ESPNL: variants seen among roughly 807,000 people sequenced by gnomAD.
ESPNL encodes the protein espin-like protein.
ESPNL carries 49 observed loss-of-function variants against 46.8 expected under a neutral mutation model. The observed-to-expected ratio is 1.05, with a 90% CI of 0.83 to 1.33. The LOEUF (loss-of-function observed/expected upper bound fraction) is 1.33, where lower values mean the gene tolerates loss of function less well. Ranked by LOEUF, ESPNL falls within the 40% of genes most tolerant of loss-of-function variation. The pLI is 0.00. For missense variants in ESPNL, 1,540 were observed against 1,436.6 expected, an observed-to-expected ratio of 1.07 and a Z score of -1.16; for synonymous variants, 664 against 662.1, an observed-to-expected ratio of 1.00 and a Z score of -0.04.
At chr2:238,127,123 CTG>C (rs1559267267) in intron 6 of ESPNL, among the ~76,000 whole-genome samples, 1 of 145,926 alleles carries the variant, frequency 6.9e-6, no homozygotes, top group Non-Finnish European at 1.5e-5. Flanking sequence ...GTGATTGTGT[CTG>C]TGTCTGTGTG....
In ESPNL at chr2:238,100,396, G is replaced by T; in HGVS notation, c.-24G>T. On this transcript the variant is annotated 5_prime_UTR_variant, in exon 1 of 9. Coordinates refer to ENST00000343063, the MANE Select transcript of ESPNL (RefSeq NM_194312.4). Reference sequence around the variant, plus strand: ...GGAAGCCCCAGCCTGTGCATGAGTCGCCACTGAGAGCCCGGGCCAGAGGAT... The same window carrying T: ...GGAAGCCCCAGCCTGTGCATGAGTCTCCACTGAGAGCCCGGGCCAGAGGAT... The T allele has an allele frequency of 1.3e-6, 2 of 1,576,494 alleles. No homozygotes were observed. The highest frequency in any genetic ancestry group is 2.3e-5 in the East Asian group (1 of 42,674).
At chr2:238,109,220 T>A (rs1274820432) in intron 4 of ESPNL, among the ~76,000 whole-genome samples, 2 of 150,650 alleles carry the variant, frequency 1.3e-5, no homozygotes, top group African/African-American at 2.5e-5. Context: ...TGGCCAGGGG[T>A]TTTTAAGCTT....
chr2:238,119,525 A>ATGAAGGAGGAATG (rs1691936163), intron 5 of ESPNL, among the ~76,000 whole-genome samples: 1 of 41,112 alleles, frequency 2.4e-5, no homozygotes, highest in Non-Finnish European at 4.5e-5. Context: ...GGAGGAGGGG[A>ATGAAGGAGGAATG]GATGGAGGAG....
At chr2:238,124,835 ACATG>A (rs1294048460) in intron 5 of ESPNL, among the ~76,000 whole-genome samples, 1 of 150,982 alleles carries the variant, frequency 6.6e-6, no homozygotes, top group Admixed American at 6.6e-5. Flanking sequence ...GCAGGAGAGT[ACATG>A]CATGTGTGTG....
intron 4 of ESPNL, among the ~76,000 whole-genome samples, chr2:238,113,642 G>A (rs569303916): frequency 9.9e-5 from 15 of 152,280 alleles, no homozygotes; most frequent in African/African-American, 3.6e-4. Context: ...GTGGGCCTAG[G>A]ATCATCTTAA....
chr2:238,128,410 C>G (rs1021393588), intron 7 of ESPNL, among the ~76,000 whole-genome samples: 1 of 152,208 alleles, frequency 6.6e-6, no homozygotes, highest in African/African-American at 2.4e-5. Flanking sequence ...GTGCGCTCCG[C>G]GAGCATCTGC....
chr2:238,117,369 C>T (rs1353446561), intron 5 of ESPNL, among the ~76,000 whole-genome samples: 2 of 152,190 alleles, frequency 1.3e-5, no homozygotes, highest in African/African-American at 2.4e-5. Flanking sequence ...GGCCAGGGCC[C>T]GGCCTGGGCT....
intron 2 of ESPNL, 23 bp downstream of exon 2, chr2:238,102,154 T>TG (rs1339326760): frequency 2.4e-5 from 36 of 1,510,262 alleles, no homozygotes; most frequent in South Asian, 1.1e-4. Flanking sequence ...AAGTCCCGCC[T>TG]GGGGGGGCAG....
rs749965624 is a variant in ESPNL at position 238,107,984 on chromosome 2, C to T, written c.855+11C>T. The T allele has an allele frequency of 1.6e-5, 25 of 1,603,060 alleles. 1 individual carries two copies. The highest frequency in any genetic ancestry group is 5.6e-5 in the South Asian group (5 of 89,624). ...AACGGGCAGATGGAGGTAAGGTGGG[C>T]GTGAGGGAGACAGGGTGAGCAGTCA... On this transcript the variant is annotated intron_variant, in intron 4 of 8. Coordinates refer to ENST00000343063, the MANE Select transcript of ESPNL (RefSeq NM_194312.4).
In ESPNL at chr2:238,130,774, G is replaced by T. The variant is rs749151866; in HGVS notation, c.2060G>T (p.Cys687Phe). The T allele has an allele frequency of 1.9e-6, 3 of 1,549,954 alleles. No homozygotes were observed. The highest frequency in any genetic ancestry group is 2.6e-6 in the Non-Finnish European group (3 of 1,152,348). Residue 687 changes from cysteine to phenylalanine, a missense_variant, in exon 9 of 9, where the codon TGC becomes TTC. By Grantham distance (205) the Cys-to-Phe change is radical. Transcript: ENST00000343063. ...CAGCACAGGCAGTGCCTGAGTGGCT[G>T]CTGGCCAGCCCTGCCTAAGCCCCGC... ...GAQHRQCLSG[C>F]WPALPKPRSG...
intron 1 of ESPNL, 124 bp from the exon 2 acceptor site, chr2:238,101,817 A>G (rs75530385): frequency 3.0e-5 from 5 of 168,778 alleles, no homozygotes; most frequent in South Asian, 7.1e-5. Context: ...GGAAGGAGGA[A>G]GGAGCTGGAA....
rs868725292 is a variant in ESPNL at position 238,131,951 on chromosome 2, G to T, written c.*219G>T. On this transcript the variant is annotated 3_prime_UTR_variant, in exon 9 of 9. Transcript: ENST00000343063. ...ACCACTGCACCCAGGAAGCCCCTTG[G>T]CAGGTCCTGAAGTGAGGCAATGGGC... 20 of 567,136 alleles carry T rather than the reference G, an allele frequency of 3.5e-5. No individual in the cohort carries two copies. The highest frequency in any genetic ancestry group is 9.5e-4 in the Middle Eastern group (2 of 2,108). 35.1% of individuals were successfully genotyped at this position (567,136 alleles called of 1,614,324 possible).
At chr2:238,121,459 A>G (rs539766895) in intron 5 of ESPNL, among the ~76,000 whole-genome samples, 2 of 152,360 alleles carry the variant, frequency 1.3e-5, no homozygotes, top group East Asian at 3.9e-4. Context: ...GTGCAGTGGC[A>G]CAGTCTCAGC....
In ESPNL at chr2:238,102,056, G is replaced by T; in HGVS notation, c.410G>T (p.Gly137Val). 2 of 1,594,980 alleles carry T rather than the reference G, an allele frequency of 1.3e-6. No individual in the cohort carries two copies. The highest frequency in any genetic ancestry group is 1.7e-6 in the Non-Finnish European group (2 of 1,172,818). ...TCGGCCACGCTAGAGACCCGGGAGG[G>T]AGCCCGGCCGCTGCACCACGCTGCC... Reference protein sequence around the residue: ...GHSATLETREGARPLHHAAVS... With the variant: ...GHSATLETREVARPLHHAAVS... The change falls in exon 2 of 9, where the codon GGA becomes GTA. Residue 137 changes from glycine to valine, a missense_variant. Gly to Val is a moderately radical substitution (Grantham distance 109). Transcript: ENST00000343063.
chr2:238,128,939 G>A (rs1201691766), intron 8 of ESPNL, 35 bp downstream of exon 8: 7 of 1,514,088 alleles, frequency 4.6e-6, no homozygotes, highest in Middle Eastern at 2.3e-4. Flanking sequence ...CAGTGGGCGG[G>A]GCGGGGCCTT....
At chr2:238,104,894 C>A in intron 3 of ESPNL, 52 bp downstream of exon 3, 1 of 1,379,510 alleles carries the variant, frequency 7.2e-7, no homozygotes, top group Non-Finnish European at 9.5e-7. Context: ...GTGGGCCCTC[C>A]AGCAAGCAGA....
At chr2:238,118,659 A>G (rs111163122) in intron 5 of ESPNL, among the ~76,000 whole-genome samples, 6,003 of 85,444 alleles carry the variant, frequency 0.07, 314 homozygotes, top group East Asian at 0.12. Flanking sequence ...GAGTGGTTGG[A>G]GGAGGGTGGA....
At chr2:238,129,105 C>T in intron 8 of ESPNL, 1 of 1,417,690 alleles carries the variant, frequency 7.1e-7, no homozygotes, top group Non-Finnish European at 9.2e-7. Context: ...TTCACCTGCT[C>T]TGGAGGCATG....
At chr2:238,128,322 A>G (rs1408619521) in intron 7 of ESPNL, among the ~76,000 whole-genome samples, 1 of 152,166 alleles carries the variant, frequency 6.6e-6, no homozygotes, top group Non-Finnish European at 1.5e-5. Flanking sequence ...AGGCTCTGAC[A>G]AGCCCTCCGC....
Sources: gnomAD v4.1 joint callset for allele counts (sites outside exome capture counted in the v4.1 genomes callset) on GRCh38, gnomAD v4.1.1 for gene constraint, MANE v1.5 for transcripts, NCBI Gene and HGNC (gene_info 2026-07-23, HGNC 2026-07-21) for gene names.